Variants in TERB1 observed in about 807,000 individuals in gnomAD.
TERB1 encodes telomere repeat binding bouquet formation protein 1.
In TERB1, 63 loss-of-function variants were observed where a neutral mutation model predicts 92.3. The ratio of observed to expected loss-of-function variants is 0.68; its 90% CI spans 0.56 to 0.84. The LOEUF (loss-of-function observed/expected upper bound fraction) is 0.84. Ranked by LOEUF, TERB1 falls within the 40% of genes least tolerant of loss-of-function variation. TERB1 has a pLI of 0.00. For synonymous variants in TERB1, 252 were observed against 283.9 expected, an observed-to-expected ratio of 0.89 and a Z score of 1.13; for missense variants, 709 against 843.7, an observed-to-expected ratio of 0.84 and a Z score of 1.98.
Position 66,785,724 on chromosome 16 carries a change from G to A in TERB1, c.700+62C>T, listed in dbSNP as rs184068285. ...AATTGATTCAATAATAAATTCAATC[G>A]TTTTTATTATGCTTTGAAATATGTT... On this transcript the variant is annotated intron_variant, in intron 9 of 18. Transcript: ENST00000433154. 988 of 1,409,850 alleles carry A rather than the reference G, an allele frequency of 7.0e-4. 2 individuals are homozygous for A. The highest frequency in any genetic ancestry group is 5.0e-3 in the Middle Eastern group (27 of 5,392). The allele number at this position is 1,409,850 out of a possible 1,614,324, so 87.3% of individuals were successfully genotyped here. A position where few individuals can be genotyped will look rare whatever the true frequency, so the allele number is the denominator to read the frequency against.
intron 2 of TERB1, among the ~76,000 whole-genome samples, chr16:66,798,292 G>A (rs1049894281): frequency 2.0e-5 from 3 of 151,406 alleles, no homozygotes; most frequent in African/African-American, 7.3e-5. Context: ...TGATCCTCCT[G>A]CCTCAGCATT....
chr16:66,763,400 C>T (rs1350490186), intron 16 of TERB1, among the ~76,000 whole-genome samples: 1 of 152,172 alleles, frequency 6.6e-6, no homozygotes, highest in Non-Finnish European at 1.5e-5. Flanking sequence ...TTGCTGATTG[C>T]ATCCTAGTTG....
chr16:66,780,382 A>G (rs547268529), intron 9 of TERB1, among the ~76,000 whole-genome samples: 44 of 148,074 alleles, frequency 3.0e-4, no homozygotes, highest in Non-Finnish European at 5.3e-4. Context: ...CAACATAGTG[A>G]GACCCCATCT....
At chr16:66,767,170 A>C (rs2018360427) in intron 16 of TERB1, among the ~76,000 whole-genome samples, 1 of 150,496 alleles carries the variant, frequency 6.6e-6, no homozygotes, top group Non-Finnish European at 1.5e-5. Context: ...CTACGAAAAA[A>C]TACAAAAAAA....
At chr16:66,760,931 G>A (rs1314332203) in intron 16 of TERB1, among the ~76,000 whole-genome samples, 1 of 140,690 alleles carries the variant, frequency 7.1e-6, no homozygotes, top group African/African-American at 2.7e-5. Context: ...GGCCAATATG[G>A]CGAAACCCCG....
At chr16:66,789,570 C>A (rs2018789278) in intron 5 of TERB1, among the ~76,000 whole-genome samples, 2 of 18,610 alleles carry the variant, frequency 1.1e-4, no homozygotes, top group South Asian at 5.6e-3. Context: ...GGCGACAGAG[C>A]GAGACTCCGT....
chr16:66,799,858 A>T (rs1959228417), intron 2 of TERB1, among the ~76,000 whole-genome samples: 3 of 152,228 alleles, frequency 2.0e-5, no homozygotes, highest in Admixed American at 2.0e-4. Flanking sequence ...TTTAGTGAAT[A>T]TATGTACTGC....
intron 12 of TERB1, among the ~76,000 whole-genome samples, 176 bp from the exon 13 acceptor site, chr16:66,772,925 ACAGTCATAAAT>A (rs1411399051): frequency 3.3e-5 from 5 of 152,168 alleles, no homozygotes; most frequent in Non-Finnish European, 5.9e-5. Flanking sequence ...CAGGACTCAA[ACAGTCATAAAT>A]CAGACTTTAC....
intron 16 of TERB1, among the ~76,000 whole-genome samples, chr16:66,763,194 C>T (rs1430902772): frequency 6.6e-6 from 1 of 151,086 alleles, no homozygotes; most frequent in Non-Finnish European, 1.5e-5. Flanking sequence ...TGGACTTGCA[C>T]TCCTGGGCTC....
chr16:66,777,473 TAATA>T, intron 10 of TERB1, 139 bp from the exon 11 acceptor site: 1 of 473,162 alleles, frequency 2.1e-6, no homozygotes. Flanking sequence ...TCATAACATC[TAATA>T]AATATGTGTA....
chr16:66,797,177 A>C (rs1037407901), intron 2 of TERB1, among the ~76,000 whole-genome samples: 2 of 152,256 alleles, frequency 1.3e-5, no homozygotes, highest in Admixed American at 1.3e-4. Context: ...TTATTAAGCA[A>C]ATGAATGATT....
At chr16:66,761,387 G>A (rs1283086618) in intron 16 of TERB1, among the ~76,000 whole-genome samples, 5 of 147,538 alleles carry the variant, frequency 3.4e-5, no homozygotes, top group Non-Finnish European at 5.9e-5. Flanking sequence ...GGAAGGCAGA[G>A]GTTGCAGTGA....
At chr16:66,761,109 CAAAAAA>C (rs34199990) in intron 16 of TERB1, among the ~76,000 whole-genome samples, 1 of 71,138 alleles carries the variant, frequency 1.4e-5, no homozygotes, top group African/African-American at 6.2e-5. Flanking sequence ...GACTCCACCT[CAAAAAA>C]AAAAAAAAAA....
intron 15 of TERB1, 103 bp from the exon 16 acceptor site, chr16:66,767,613 C>G (rs1209448218): frequency 1.7e-6 from 1 of 596,402 alleles, no homozygotes; most frequent in Non-Finnish European, 2.9e-6. Flanking sequence ...TAGCCTAGTA[C>G]TATGCCTCCA....
intron 12 of TERB1, among the ~76,000 whole-genome samples, chr16:66,774,545 C>T (rs758261667): frequency 2.0e-5 from 3 of 152,134 alleles, no homozygotes; most frequent in Admixed American, 6.6e-5. Flanking sequence ...CCTTAGTCCA[C>T]AAATTTAATT....
Position 66,778,923 on chromosome 16 carries a change from A to T in TERB1, c.793T>A (p.Ser265Thr). ...QLESDSHETL[S>T]SAKLAVVVTK... ...ACAACCACTGCAAGTTTAGCACTGG[A>T]AAGAGTCTCATGTGAATCAGATTCC... Residue 265 changes from serine to threonine, a missense_variant, in exon 10 of 19, where the codon TCC becomes ACC. Coordinates refer to ENST00000433154, the MANE Select transcript of TERB1 (RefSeq NM_001136505.2). The T allele has an allele frequency of 6.5e-7, 1 of 1,536,092 alleles. No homozygotes were observed. Among genetic ancestry groups the T allele is most frequent in the Non-Finnish European group, 8.8e-7 (1 of 1,134,468 alleles).
chr16:66,760,130 CAAA>C (rs148772308), intron 16 of TERB1, among the ~76,000 whole-genome samples: 3 of 23,390 alleles, frequency 1.3e-4, no homozygotes, highest in African/African-American at 9.3e-4. Flanking sequence ...GACTCCATCT[CAAA>C]AAAAAAAAAA....
intron 16 of TERB1, among the ~76,000 whole-genome samples, chr16:66,763,296 G>A (rs1255881756): frequency 4.6e-5 from 7 of 152,084 alleles, no homozygotes. Flanking sequence ...CATATGTCAA[G>A]GTGCTTTTAA....
chr16:66,761,109 C>CAAAAAAAAAAAAAAAAAAAAAAAAA (rs34199990), intron 16 of TERB1, among the ~76,000 whole-genome samples: 1 of 71,134 alleles, frequency 1.4e-5, no homozygotes, highest in Non-Finnish European at 2.6e-5. Flanking sequence ...GACTCCACCT[C>CAAAAAAAAAAAAAAAAAAAAAAAAA]AAAAAAAAAA....
Sources: gnomAD v4.1 joint callset for allele counts (sites outside exome capture counted in the v4.1 genomes callset) on GRCh38, gnomAD v4.1.1 for gene constraint, MANE v1.5 for transcripts, NCBI Gene and HGNC (gene_info 2026-07-23, HGNC 2026-07-21) for gene names.